The following PRKCA variants were observed in gnomAD, a reference collection of about 807,000 sequenced individuals.
PRKCA encodes the protein protein kinase C alpha, also known as protein kinase C alpha type.
In PRKCA, 27 loss-of-function variants were observed where a neutral mutation model predicts 87.0. That is an observed-to-expected ratio of 0.31 (90% CI 0.23 to 0.43). PRKCA has a LOEUF of 0.43. Among genes scored for constraint, PRKCA ranks in the 20% least tolerant of loss-of-function variants. The pLI, the probability that PRKCA is intolerant of heterozygous loss-of-function variation, is 1.00. For synonymous variants in PRKCA, 329 were observed against 311.1 expected (o/e 1.06, Z -0.61); for missense variants, 518 against 852.3 (o/e 0.61, Z 4.88).
chr17:66,499,855 C>G (rs769647431), intron 3 of PRKCA, among the ~76,000 whole-genome samples: 1 of 152,138 alleles, frequency 6.6e-6, no homozygotes, highest in Non-Finnish European at 1.5e-5. Context: ...ATCATGCATT[C>G]ACCCAAAAGA....
chr17:66,570,049 A>G (rs1969028959), intron 3 of PRKCA, among the ~76,000 whole-genome samples: 1 of 152,204 alleles, frequency 6.6e-6, no homozygotes, highest in African/African-American at 2.4e-5. Flanking sequence ...ATCATGGGGT[A>G]CTGTGCAGCC....
At position 66,485,412 on chromosome 17, in the gene PRKCA, A is replaced by T. The variant is rs1278088850; in HGVS notation, c.206-10789A>T. 5.3e-5 allele frequency among the ~76,000 whole-genome samples: 8 copies of T among 152,342 alleles called. No individual in the cohort carries two copies. In the East Asian group the frequency reaches 1.5e-3, roughly 29 times the overall value. ...TTCTGCAACCCTGCCAAGAAGCAGGACTGTCCTAACGTGCTGAGTGCTTAT... is the reference window on the plus strand; with the variant it reads ...TTCTGCAACCCTGCCAAGAAGCAGGTCTGTCCTAACGTGCTGAGTGCTTAT... On this transcript the variant is annotated intron_variant, in intron 2 of 16. Transcript: ENST00000413366.
At chr17:66,475,989 C>A (rs1915520486) in intron 2 of PRKCA, among the ~76,000 whole-genome samples, 1 of 152,162 alleles carries the variant, frequency 6.6e-6, no homozygotes, top group South Asian at 2.1e-4. Flanking sequence ...CCTCTGCCTC[C>A]CAGGTTCAAG....
At chr17:66,764,478 C>A (rs1974754118) in intron 13 of PRKCA, among the ~76,000 whole-genome samples, 1 of 152,292 alleles carries the variant, frequency 6.6e-6, no homozygotes, top group Non-Finnish European at 1.5e-5. Flanking sequence ...CCTTTCATGC[C>A]CTGGTCCTGT....
Position 66,330,104 on chromosome 17 carries a change from A to AT in PRKCA, c.205+23996dup, listed in dbSNP as rs5821530. Among the ~76,000 whole-genome samples, 59 of 140,148 alleles carry AT rather than the reference A, an allele frequency of 4.2e-4. 1 individual carries two copies. In the South Asian group the frequency reaches 8.2e-3, roughly 19 times the overall value. 91.9% of individuals were successfully genotyped at this position (140,148 alleles called of 152,430 possible). A position where few individuals can be genotyped will look rare whatever the true frequency, so the allele number is the denominator to read the frequency against. On this transcript the variant is annotated intron_variant, in intron 2 of 16. Coordinates refer to ENST00000413366, the MANE Select transcript of PRKCA (RefSeq NM_002737.3). Reference sequence around the variant, plus strand: ...CTGGGAAGATAAACTATTTTCCTGGATTTTTTTTTTTTTTTTTTTAAACAG... The same window carrying AT: ...CTGGGAAGATAAACTATTTTCCTGGATTTTTTTTTTTTTTTTTTTTAAACAG...
chr17:66,618,334 A>G (rs2143678480), intron 3 of PRKCA, among the ~76,000 whole-genome samples: 1 of 144,558 alleles, frequency 6.9e-6, no homozygotes, highest in South Asian at 2.3e-4. Flanking sequence ...CAGCCTGGCC[A>G]ATGAGTGAAA....
chr17:66,388,034 C>T (rs1464253303), intron 2 of PRKCA, among the ~76,000 whole-genome samples: 1 of 152,148 alleles, frequency 6.6e-6, no homozygotes, highest in Non-Finnish European at 1.5e-5. Flanking sequence ...TTTGAAATAG[C>T]TATCTCAGCT....
chr17:66,508,655 T>C (rs1413139293), intron 3 of PRKCA, among the ~76,000 whole-genome samples: 3 of 152,154 alleles, frequency 2.0e-5, no homozygotes, highest in Non-Finnish European at 4.4e-5. Flanking sequence ...GTCTCCATCT[T>C]TTTTTTGTTT....
intron 3 of PRKCA, among the ~76,000 whole-genome samples, chr17:66,543,341 C>T (rs1434573481): frequency 1.3e-5 from 2 of 152,114 alleles, no homozygotes; most frequent in African/African-American, 2.4e-5. Flanking sequence ...TTCCTTCTCA[C>T]CAAAACCCTA....
intron 2 of PRKCA, among the ~76,000 whole-genome samples, chr17:66,493,364 A>G (rs931241622): frequency 9.3e-5 from 14 of 151,104 alleles, no homozygotes; most frequent in African/African-American, 2.9e-4. Context: ...CCTGTTACCC[A>G]TGTAAAAAAT....
At chr17:66,770,067 C>T (rs1974898480) in intron 13 of PRKCA, among the ~76,000 whole-genome samples, 1 of 152,182 alleles carries the variant, frequency 6.6e-6, no homozygotes, top group Non-Finnish European at 1.5e-5. Context: ...CTTTATATTT[C>T]CTCTCAGATT....
intron 3 of PRKCA, among the ~76,000 whole-genome samples, chr17:66,547,166 G>T (rs193236196): frequency 9.2e-5 from 14 of 152,264 alleles, no homozygotes; most frequent in Middle Eastern, 3.4e-3. Context: ...AGATATGCCT[G>T]TGTATGTTAC....
intron 2 of PRKCA, among the ~76,000 whole-genome samples, chr17:66,367,196 A>G (rs1348198484): frequency 6.6e-6 from 1 of 152,246 alleles, no homozygotes; most frequent in African/African-American, 2.4e-5. Context: ...TGATTTCTTT[A>G]ATGGAAACAA....
chr17:66,733,643 T>G (rs982644981), intron 9 of PRKCA, among the ~76,000 whole-genome samples: 1 of 152,016 alleles, frequency 6.6e-6, no homozygotes, highest in Admixed American at 6.6e-5. Context: ...AATACAAAAA[T>G]TAGCTGGGTG....
chr17:66,558,521 C>CT (rs1322505875), intron 3 of PRKCA, among the ~76,000 whole-genome samples: 1 of 152,112 alleles, frequency 6.6e-6, no homozygotes, highest in African/African-American at 2.4e-5. Context: ...AAAGGGGGAC[C>CT]TGGTGCAGGC....
At chr17:66,363,218 G>A (rs1352064964) in intron 2 of PRKCA, among the ~76,000 whole-genome samples, 1 of 152,190 alleles carries the variant, frequency 6.6e-6, no homozygotes, top group Non-Finnish European at 1.5e-5. Flanking sequence ...AAATTGTGTA[G>A]TAAACATTGC....
chr17:66,326,074 T>A (rs1905963498), intron 2 of PRKCA, among the ~76,000 whole-genome samples: 1 of 152,206 alleles, frequency 6.6e-6, no homozygotes, highest in Admixed American at 6.5e-5. Context: ...TATGGCCCAC[T>A]GTTAGGCACT....
chr17:66,647,752 G>A (rs774671302), intron 5 of PRKCA, among the ~76,000 whole-genome samples: 6 of 152,188 alleles, frequency 3.9e-5, no homozygotes, highest in Non-Finnish European at 8.8e-5. Flanking sequence ...CACAATTGTA[G>A]AGTCAGCTTA....
chr17:66,421,743 A>G (rs1364683881), intron 2 of PRKCA, among the ~76,000 whole-genome samples: 1 of 143,638 alleles, frequency 7.0e-6, no homozygotes, highest in Non-Finnish European at 1.5e-5. Context: ...GGGTTTCATC[A>G]TGTTGGCCAG....
Sources: gnomAD v4.1 joint callset for allele counts (sites outside exome capture counted in the v4.1 genomes callset) on GRCh38, gnomAD v4.1.1 for gene constraint, MANE v1.5 for transcripts, NCBI Gene and HGNC (gene_info 2026-07-23, HGNC 2026-07-21) for gene names.